Variants in OGG1 observed in about 807,000 individuals in gnomAD.
OGG1 encodes 8-oxoguanine DNA glycosylase.
A neutral mutation model predicts 42.3 loss-of-function variants in OGG1; 35 were observed. That is an observed-to-expected ratio of 0.83 (90% CI 0.63 to 1.10). The LOEUF is 1.10. Among genes scored for constraint, OGG1 ranks in the 50% least tolerant of loss-of-function variants. OGG1 has a pLI of 0.00. For synonymous variants in OGG1, 189 were observed against 179.0 expected (o/e 1.06, Z -0.44); for missense variants, 484 against 446.7 (o/e 1.08, Z -0.75).
intron 7 of OGG1, among the ~76,000 whole-genome samples, chr3:9,764,631 T>TG (rs2078061186): frequency 2.5e-4 from 36 of 145,548 alleles, no homozygotes; most frequent in African/African-American, 9.1e-4. Flanking sequence ...TTTTTTTGTT[T>TG]TTTTTTTTTT....
At chr3:9,787,773 A>C (rs547270858) in exon 4 of OGG1, 3 of 1,204,154 alleles carry the variant, frequency 2.5e-6, no homozygotes, top group South Asian at 2.5e-5. Flanking sequence ...GAGAGAGATC[A>C]AAGTGTTGTG....
At chr3:9,753,161 G>C (rs1381954468) in intron 3 of OGG1, among the ~76,000 whole-genome samples, 1 of 151,972 alleles carries the variant, frequency 6.6e-6, no homozygotes, top group Non-Finnish European at 1.5e-5. Context: ...AGACCAGACT[G>C]GCCAACCTGG....
chr3:9,763,076 T>C lies in OGG1; in HGVS notation c.1049-2733T>C, dbSNP rs1334001150. On this transcript the variant is annotated intron_variant, in intron 7 of 7. Transcript: ENST00000302008. ...CCCTGCAGCAGGGGATAGGGCAGTC[T>C]GGCAAAGAGGGTTGGGACAGCTGGG... is the stretch of plus-strand genomic sequence containing the variant. 3.7e-6 allele frequency: 6 copies of C among 1,613,864 alleles called. No homozygotes were observed. The East Asian group carries it at 1.1e-4, about 30-fold the overall frequency.
downstream of OGG1, chr3:9,767,658 T>A: frequency 6.2e-7 from 1 of 1,613,906 alleles, no homozygotes; most frequent in Non-Finnish European, 8.5e-7. Context: ...AATCCTGCCC[T>A]GGACTCACGT....
At chr3:9,760,629 A>G, downstream of OGG1, 1 of 1,612,664 alleles carries the variant, frequency 6.2e-7, no homozygotes. Flanking sequence ...GGCAGGGCCC[A>G]GGGGAAAAAA....
At chr3:9,758,534 G>A (rs1393632540), downstream of OGG1, 1 of 155,284 alleles carries the variant, frequency 6.4e-6, no homozygotes, top group Admixed American at 6.4e-5. Context: ...CTGCTACTGT[G>A]GTTCCAAACC....
chr3:9,753,806 T>C (rs930333278), intron 3 of OGG1, among the ~76,000 whole-genome samples: 1 of 152,164 alleles, frequency 6.6e-6, no homozygotes, highest in African/African-American at 2.4e-5. Flanking sequence ...TGGGAGTGAA[T>C]AAAGCAATCA....
chr3:9,764,611 G>GTTTTTTTTTTTTTT (rs1310854701), intron 7 of OGG1, among the ~76,000 whole-genome samples: 1 of 125,076 alleles, frequency 8.0e-6, no homozygotes, highest in Non-Finnish European at 1.6e-5. Context: ...TGCGCCTGGC[G>GTTTTTTTTTTTTTT]TTTTTGTTTT....
downstream of OGG1, chr3:9,757,675 C>T: frequency 1.2e-6 from 2 of 1,614,058 alleles, no homozygotes; most frequent in Non-Finnish European, 1.7e-6. The surrounding 1 kb of genome is among the most constrained non-coding windows in gnomAD (Gnocchi z 4.5). Context: ...TCCACTCCAG[C>T]CCGGGTGCAC....
At chr3:9,781,475 T>C (rs2078462851) in intron 2 of OGG1, 1 of 454,448 alleles carries the variant, frequency 2.2e-6, no homozygotes, top group Non-Finnish European at 4.4e-6. Context: ...TGGAGCAGGC[T>C]GGGGCCAAAC....
chr3:9,784,195 G>A lies in OGG1; in HGVS notation c.382+2595G>A, dbSNP rs1206240815. ...GCTCCTCCTTGATGCGGCTCTCCAG[G>A]GACTTAGTATGCGGCACACTGCAGC... On this transcript the variant is annotated intron_variant, in intron 3 of 3. Coordinates refer to the OGG1 transcript ENST00000426518. The A allele has an allele frequency of 2.5e-6, 4 of 1,613,546 alleles. No individual in the cohort carries two copies. The South Asian group carries it at 3.3e-5, about 13-fold the overall frequency.
rs140153678 is a variant in OGG1 at position 9,787,745 on chromosome 3, C to T, written c.*14C>T. On this transcript the variant is annotated 3_prime_UTR_variant, in exon 4 of 4. Coordinates refer to the OGG1 transcript ENST00000426518. ...TTTTTCAGATAAATTTTTAAGAAATCAGATAAGTGAAGTGAAAGAGAGAGA... is the reference window on the plus strand; with the variant it reads ...TTTTTCAGATAAATTTTTAAGAAATTAGATAAGTGAAGTGAAAGAGAGAGA... 646 of 1,278,858 alleles carry T rather than the reference C, an allele frequency of 5.1e-4. 1 individual carries two copies. The African/African-American group carries it at 8.9e-3, about 18-fold the overall frequency. The allele number at this position is 1,278,858 out of a possible 1,614,324, so 79.2% of individuals were successfully genotyped here. A position where few individuals can be genotyped will look rare whatever the true frequency, so the allele number is the denominator to read the frequency against.
downstream of OGG1, among the ~76,000 whole-genome samples, chr3:9,788,705 A>G (rs1467687098): frequency 6.6e-6 from 1 of 151,286 alleles, no homozygotes; most frequent in Non-Finnish European, 1.5e-5. Context: ...GTGCCAGGCT[A>G]ATTTTTGTAT....
intron 2 of OGG1, chr3:9,780,043 G>A (rs912394931): frequency 1.5e-4 from 41 of 268,556 alleles, no homozygotes; most frequent in African/African-American, 7.7e-4. Context: ...AGTCCTTGAA[G>A]GGGAGACAGG....
At chr3:9,765,818 G>C in exon 8 of OGG1, 1 of 1,614,036 alleles carries the variant, frequency 6.2e-7, no homozygotes, top group Non-Finnish European at 8.5e-7. Flanking sequence ...GGGCCTCCTT[G>C]GCAATGCATT....
chr3:9,751,731 G>C, intron 2 of OGG1, 39 bp from the exon 3 acceptor site: 1 of 1,605,884 alleles, frequency 6.2e-7, no homozygotes, highest in Non-Finnish European at 8.5e-7. Flanking sequence ...ACACCCAACA[G>C]CAGGTACCTC....
chr3:9,789,455 C>A (rs913943861), downstream of OGG1: 10 of 1,511,756 alleles, frequency 6.6e-6, no homozygotes, highest in African/African-American at 1.2e-4. Context: ...ACTTCTCAGG[C>A]ACCTCTGAAC....
At position 9,756,811 on chromosome 3, in the gene OGG1, C is replaced by G; in HGVS notation, c.943C>G (p.Gln315Glu). ...SLWGPYAGWA[Q>E]AVLFSADLRQ... Reference sequence around the variant, plus strand: ...GTGGGGACCTTATGCTGGCTGGGCCCAAGCGGTGAGTGTACCTAGGTGTCC... The same window carrying G: ...GTGGGGACCTTATGCTGGCTGGGCCGAAGCGGTGAGTGTACCTAGGTGTCC... Residue 315 changes from glutamine to glutamate, a missense_variant, in exon 6 of 7, where the codon CAA becomes GAA. By Grantham distance (29) the Gln-to-Glu change is conservative. Transcript: ENST00000344629. The G allele has an allele frequency of 6.2e-7, 1 of 1,613,968 alleles. No homozygotes were observed.
At chr3:9,762,249 G>C (rs1304990561), downstream of OGG1, 3 of 154,070 alleles carry the variant, frequency 1.9e-5, no homozygotes, top group African/African-American at 7.2e-5. Context: ...TGCTAAATGT[G>C]AGCCCCGTCG....
Sources: gnomAD v4.1 joint callset for allele counts (sites outside exome capture counted in the v4.1 genomes callset) on GRCh38, gnomAD v4.1.1 for gene constraint, Gnocchi (gnomAD v3.1) non-coding constraint, MANE v1.5 for transcripts, NCBI Gene and HGNC (gene_info 2026-07-23, HGNC 2026-07-21) for gene names.